AGBL1: variants seen among roughly 807,000 people sequenced by gnomAD.
AGBL1 encodes AGBL carboxypeptidase 1, also known as cytosolic carboxypeptidase 4.
A neutral mutation model predicts 118.9 loss-of-function variants in AGBL1; 130 were observed. The observed-to-expected ratio is 1.09, with a 90% confidence interval of 0.95 to 1.26. The LOEUF is 1.26. Ranked by LOEUF, AGBL1 falls within the 50% of genes most tolerant of loss-of-function variation. AGBL1 has a pLI of 0.00. For missense variants in AGBL1, 1,584 were observed against 1,298.1 expected, an observed-to-expected ratio of 1.22 and a Z score of -3.38; for synonymous variants, 555 against 478.9, an observed-to-expected ratio of 1.16 and a Z score of -2.08.
chr15:87,018,469 TA>T (rs764190586), intron 24 of AGBL1, among the ~76,000 whole-genome samples: 1 of 151,944 alleles, frequency 6.6e-6, no homozygotes, highest in Non-Finnish European at 1.5e-5. Context: ...TCAACATTCT[TA>T]AAAAAAATTT....
In AGBL1 at chr15:86,806,112, G is replaced by A. The variant is rs537721389; in HGVS notation, c.3159-100975G>A. Among the ~76,000 whole-genome samples the A allele has an allele frequency of 4.5e-4, 69 of 152,236 alleles. No individual in the cohort carries two copies. The South Asian group carries it at 7.5e-3, about 16-fold the overall frequency. Reference sequence around the variant, plus strand: ...GACTGGAAGGAAGGAAGGGTGGGAGGCCTCCAGAACACAAAGACATATTCC... The same window carrying A: ...GACTGGAAGGAAGGAAGGGTGGGAGACCTCCAGAACACAAAGACATATTCC... On this transcript the variant is annotated intron_variant, in intron 22 of 22. Transcript: ENST00000614907.
intron 23 of AGBL1, among the ~76,000 whole-genome samples, chr15:86,955,907 A>T (rs1402262594): frequency 6.6e-6 from 1 of 152,118 alleles, no homozygotes; most frequent in Non-Finnish European, 1.5e-5. Flanking sequence ...GTGGCCATGG[A>T]GAAACTCCTG....
intron 18 of AGBL1, among the ~76,000 whole-genome samples, chr15:86,453,131 G>T (rs147464862): frequency 6.6e-6 from 1 of 152,090 alleles, no homozygotes; most frequent in Admixed American, 6.5e-5. Flanking sequence ...TCTTGTCTGC[G>T]ACTCTATCCT....
intron 22 of AGBL1, among the ~76,000 whole-genome samples, chr15:86,896,756 A>G (rs148944168): frequency 2.9e-3 from 444 of 152,224 alleles, no homozygotes; most frequent in African/African-American, 0.01. Context: ...CTTTCCATTG[A>G]CAAGATTGAT....
At chr15:86,211,154 G>T (rs540838665) in intron 5 of AGBL1, among the ~76,000 whole-genome samples, 36 of 152,342 alleles carry the variant, frequency 2.4e-4, no homozygotes, top group African/African-American at 8.7e-4. Flanking sequence ...GGAGGCTGCA[G>T]AACAGCAAAT....
chr15:86,638,086 T>C (rs1206515358), intron 21 of AGBL1, among the ~76,000 whole-genome samples: 2 of 152,170 alleles, frequency 1.3e-5, no homozygotes, highest in African/African-American at 4.8e-5. Context: ...CTTCTCATCT[T>C]CTTTCAACTT....
intron 22 of AGBL1, among the ~76,000 whole-genome samples, chr15:86,695,205 T>G (rs2142621015): frequency 6.6e-6 from 1 of 152,196 alleles, no homozygotes; most frequent in Middle Eastern, 3.4e-3. Context: ...AGAATTCAGC[T>G]GTGAATCCAT....
intron 18 of AGBL1, among the ~76,000 whole-genome samples, chr15:86,448,339 C>CA (rs2082151582): frequency 6.6e-6 from 1 of 152,068 alleles, no homozygotes; most frequent in Non-Finnish European, 1.5e-5. Flanking sequence ...ACTCCTGTGA[C>CA]AAAAGGGAAG....
chr15:86,925,616 A>T (rs543535225), intron 23 of AGBL1, among the ~76,000 whole-genome samples: 2 of 152,206 alleles, frequency 1.3e-5, no homozygotes, highest in Non-Finnish European at 2.9e-5. Flanking sequence ...ATGTAAGCAA[A>T]GTAGCTGTCC....
chr15:86,811,924 T>A (rs928715936), intron 22 of AGBL1, among the ~76,000 whole-genome samples: 11 of 152,216 alleles, frequency 7.2e-5, no homozygotes, highest in African/African-American at 2.7e-4. Flanking sequence ...ATTTTCAAAG[T>A]GCATTCTAAG....
At chr15:86,821,376 G>A (rs1248481878) in intron 22 of AGBL1, among the ~76,000 whole-genome samples, 2 of 152,040 alleles carry the variant, frequency 1.3e-5, no homozygotes, top group Non-Finnish European at 2.9e-5. Context: ...ATATCTTAGG[G>A]AGAATAACAT....
chr15:86,432,033 G>T (rs1354613541), intron 18 of AGBL1, among the ~76,000 whole-genome samples: 1 of 149,688 alleles, frequency 6.7e-6, no homozygotes, highest in Non-Finnish European at 1.5e-5. Context: ...CTAAGGTGGG[G>T]CCCTTGTGAT....
intron 24 of AGBL1, among the ~76,000 whole-genome samples, chr15:87,019,051 T>C (rs1251398954): frequency 6.6e-6 from 1 of 150,804 alleles, no homozygotes; most frequent in African/African-American, 2.4e-5. Flanking sequence ...TGGTAAAGGG[T>C]TCAATTCAAC....
chr15:86,423,092 C>T (rs189924314), intron 18 of AGBL1, among the ~76,000 whole-genome samples: 7 of 152,272 alleles, frequency 4.6e-5, no homozygotes, highest in Admixed American at 2.6e-4. Flanking sequence ...TTTTATGAGG[C>T]CAGCATCATC....
At chr15:86,777,913 G>C (rs991786747) in intron 22 of AGBL1, among the ~76,000 whole-genome samples, 3 of 151,944 alleles carry the variant, frequency 2.0e-5, no homozygotes, top group Non-Finnish European at 2.9e-5. Flanking sequence ...GCTAATTATC[G>C]GGGGAAATTC....
At chr15:86,695,121 G>A (rs1421055771) in intron 22 of AGBL1, among the ~76,000 whole-genome samples, 4 of 151,972 alleles carry the variant, frequency 2.6e-5, no homozygotes, top group Non-Finnish European at 5.9e-5. Flanking sequence ...ATGATTTAGG[G>A]AGGATTTCCT....
At chr15:86,090,163 A>G (rs543032042) in intron 1 of AGBL1, among the ~76,000 whole-genome samples, 26 of 152,276 alleles carry the variant, frequency 1.7e-4, no homozygotes, top group Middle Eastern at 3.4e-3. Context: ...TTCTTGCAGT[A>G]TTTAAGTAGC....
chr15:86,176,520 C>G (rs959991810), intron 5 of AGBL1, among the ~76,000 whole-genome samples: 7 of 152,204 alleles, frequency 4.6e-5, no homozygotes, highest in African/African-American at 1.7e-4. Flanking sequence ...CACTGCACTG[C>G]CATTCACTAG....
intron 21 of AGBL1, among the ~76,000 whole-genome samples, chr15:86,571,019 T>TA (rs2083999001): frequency 6.6e-6 from 1 of 152,148 alleles, no homozygotes; most frequent in Non-Finnish European, 1.5e-5. Flanking sequence ...GCTGATGCTA[T>TA]AGGGTGGGCA....
Sources: gnomAD v4.1 joint callset for allele counts (sites outside exome capture counted in the v4.1 genomes callset) on GRCh38, gnomAD v4.1.1 for gene constraint, MANE v1.5 for transcripts, NCBI Gene and HGNC (gene_info 2026-07-23, HGNC 2026-07-21) for gene names.